MOXD1: variants seen among roughly 807,000 people sequenced by gnomAD.
MOXD1 encodes the protein DBH-like monooxygenase protein 1.
Under a neutral mutation model 66.6 loss-of-function variants are expected in MOXD1, and 62 were observed. The observed-to-expected ratio is 0.93, with a 90% confidence interval of 0.76 to 1.15. MOXD1 has a LOEUF of 1.15. MOXD1 is among the 50% of genes most tolerant of loss of function. The pLI is 0.00. For synonymous variants in MOXD1, 303 were observed against 281.9 expected (o/e 1.07, Z -0.75); for missense variants, 847 against 754.6 (o/e 1.12, Z -1.44).
chr6:132,401,367 GC>G lies in MOXD1; in HGVS notation c.59del (p.Gly20AlafsTer79). On this transcript the variant is annotated frameshift_variant, in exon 1 of 12. Transcript: ENST00000367963. LOFTEE classifies it high-confidence loss of function. ...TCCGGTGCGGATAGGTTCGGCCCGA[GC>G]CCCCCGCCGCCGTCCCGGGGAGCAG... ...WGLLPGTAAGGSGRTYPHRTL... is the reference protein window; with the variant it reads ...WGLLPGTAAGXSGRTYPHRTL... The G allele has an allele frequency of 3.9e-6, 6 of 1,546,190 alleles. No homozygotes were observed. The highest frequency in any genetic ancestry group is 2.5e-5 in the East Asian group (1 of 40,316).
chr6:132,338,889 A>T (rs893794786), intron 4 of MOXD1, among the ~76,000 whole-genome samples: 3 of 152,226 alleles, frequency 2.0e-5, no homozygotes, highest in African/African-American at 4.8e-5. Flanking sequence ...GTAGGTGCTC[A>T]AACAATAGTA....
chr6:132,318,579 TA>T (rs1157138835), intron 9 of MOXD1, among the ~76,000 whole-genome samples: 1 of 152,092 alleles, frequency 6.6e-6, no homozygotes, highest in African/African-American at 2.4e-5. Flanking sequence ...AATGTCCTGT[TA>T]ATCTATGTAT....
intron 4 of MOXD1, among the ~76,000 whole-genome samples, chr6:132,349,384 TATATATATACAC>T (rs1419806230): frequency 1.8e-5 from 2 of 113,420 alleles, no homozygotes; most frequent in East Asian, 5.1e-4. Context: ...TATACATGTA[TATATATATACAC>T]ATATATATAC....
chr6:132,349,364 CATATATATATATACATGTATAT>C (rs1448702674), intron 4 of MOXD1, among the ~76,000 whole-genome samples: 2 of 89,164 alleles, frequency 2.2e-5, no homozygotes, highest in South Asian at 7.1e-4. Context: ...TATATTCCAT[CATATATATATATACATGTATAT>C]ATATATACAC....
chr6:132,389,000 T>C (rs970788267), intron 1 of MOXD1, among the ~76,000 whole-genome samples: 3 of 151,400 alleles, frequency 2.0e-5, no homozygotes, highest in African/African-American at 7.2e-5. Flanking sequence ...AACACACCTC[T>C]ACCCTCAGTT....
At chr6:132,382,984 G>A (rs932807813) in intron 1 of MOXD1, among the ~76,000 whole-genome samples, 7 of 152,082 alleles carry the variant, frequency 4.6e-5, no homozygotes, top group Non-Finnish European at 7.4e-5. Flanking sequence ...AAACTCTTAC[G>A]GGTATAATAA....
chr6:132,322,544 C>A lies in MOXD1; in HGVS notation c.1305+135G>T, dbSNP rs1775096868. ...AACACATTCCATCTGGGTTGTACAA[C>A]ACCCACAGTGGGTGGTGTTAAGAAT... On this transcript the variant is annotated intron_variant, in intron 8 of 11. Transcript: ENST00000367963. 6.3e-6 allele frequency: 5 copies of A among 791,098 alleles called. No individual in the cohort carries two copies. In the South Asian group the frequency reaches 1.0e-4, roughly 16 times the overall value. 49.0% of individuals were successfully genotyped at this position (791,098 alleles called of 1,614,324 possible).
At chr6:132,377,338 C>T (rs1396747669) in intron 1 of MOXD1, among the ~76,000 whole-genome samples, 1 of 152,172 alleles carries the variant, frequency 6.6e-6, no homozygotes, top group Non-Finnish European at 1.5e-5. Context: ...GTTAACTGTG[C>T]CTTTTCACTG....
intron 7 of MOXD1, among the ~76,000 whole-genome samples, chr6:132,323,341 A>T (rs1562282000): frequency 2.0e-5 from 3 of 152,146 alleles, no homozygotes; most frequent in Non-Finnish European, 2.9e-5. Flanking sequence ...GGCCTAAATA[A>T]CTCAGAAGAG....
At chr6:132,397,612 CAGAGAGAG>C (rs58540885) in intron 1 of MOXD1, among the ~76,000 whole-genome samples, 1 of 137,182 alleles carries the variant, frequency 7.3e-6, no homozygotes, top group East Asian at 2.0e-4. Context: ...CACACACTCA[CAGAGAGAG>C]AGAGAGAGAG....
At chr6:132,389,685 A>G (rs1029463307) in intron 1 of MOXD1, among the ~76,000 whole-genome samples, 6 of 151,312 alleles carry the variant, frequency 4.0e-5, no homozygotes, top group Non-Finnish European at 1.5e-5. Flanking sequence ...CCCAGTTCTC[A>G]CTTCTCTATT....
At chr6:132,353,141 A>G (rs1582589571) in intron 4 of MOXD1, among the ~76,000 whole-genome samples, 1 of 152,166 alleles carries the variant, frequency 6.6e-6, no homozygotes, top group African/African-American at 2.4e-5. Context: ...TTTACATTCA[A>G]TGTAGTATTG....
intron 4 of MOXD1, among the ~76,000 whole-genome samples, chr6:132,361,021 A>G (rs1776008243): frequency 6.6e-6 from 1 of 152,166 alleles, no homozygotes; most frequent in South Asian, 2.1e-4. Flanking sequence ...TGCCTTCACT[A>G]ATTTTTATAA....
intron 4 of MOXD1, among the ~76,000 whole-genome samples, chr6:132,337,080 T>C (rs1440368697): frequency 6.6e-6 from 1 of 152,186 alleles, no homozygotes; most frequent in Admixed American, 6.5e-5. Context: ...TAAGACAGGT[T>C]TGGCAGAGTT....
At chr6:132,315,561 G>A (rs2114556382) in intron 10 of MOXD1, 74 bp downstream of exon 10, 1 of 1,460,476 alleles carries the variant, frequency 6.8e-7, no homozygotes, top group Non-Finnish European at 9.3e-7. Context: ...ATGTGGTAAT[G>A]GATCCAGTAT....
intron 4 of MOXD1, among the ~76,000 whole-genome samples, chr6:132,337,194 C>A (rs1775458895): frequency 6.6e-6 from 1 of 152,132 alleles, no homozygotes; most frequent in Non-Finnish European, 1.5e-5. Context: ...ACATTCCTTT[C>A]TTTTTCTGAA....
intron 1 of MOXD1, among the ~76,000 whole-genome samples, chr6:132,380,222 C>T (rs1182553783): frequency 6.6e-6 from 1 of 152,194 alleles, no homozygotes; most frequent in Non-Finnish European, 1.5e-5. Context: ...CTTGAAAAAT[C>T]ACCCTCAGTG....
chr6:132,345,572 G>A (rs1472039824), intron 4 of MOXD1, among the ~76,000 whole-genome samples: 1 of 151,994 alleles, frequency 6.6e-6, no homozygotes, highest in Non-Finnish European at 1.5e-5. Context: ...TTTTATATTT[G>A]TGGTAAGCTA....
At chr6:132,341,477 C>G (rs1395115219) in intron 4 of MOXD1, among the ~76,000 whole-genome samples, 1 of 152,162 alleles carries the variant, frequency 6.6e-6, no homozygotes, top group Non-Finnish European at 1.5e-5. Context: ...CTCTATTTCC[C>G]AAGCAGATGA....
Sources: gnomAD v4.1 joint callset for allele counts (sites outside exome capture counted in the v4.1 genomes callset) on GRCh38, gnomAD v4.1.1 for gene constraint, MANE v1.5 for transcripts, NCBI Gene and HGNC (gene_info 2026-07-23, HGNC 2026-07-21) for gene names.